Variants in RHBDL2 observed in about 807,000 individuals in gnomAD.
RHBDL2 encodes rhomboid like 2.
RHBDL2 carries 26 observed loss-of-function variants against 31.7 expected under a neutral mutation model. The ratio of observed to expected loss-of-function variants is 0.82; its 90% CI spans 0.60 to 1.14. The LOEUF is 1.14. RHBDL2 is among the 50% of genes most tolerant of loss of function. The pLI, the probability that RHBDL2 is intolerant of heterozygous loss-of-function variation, is 0.00. For missense variants in RHBDL2, 336 were observed against 364.4 expected (o/e 0.92, Z 0.63); for synonymous variants, 123 against 127.2 (o/e 0.97, Z 0.22).
At chr1:38,927,437 A>G in intron 1 of RHBDL2, among the ~76,000 whole-genome samples, 1 of 152,056 alleles carries the variant, frequency 6.6e-6, no homozygotes, top group East Asian at 1.9e-4. Context: ...AAAAAAAAAG[A>G]AAAGAAAAGA....
chr1:38,932,566 T>A (rs1442909189), intron 1 of RHBDL2, among the ~76,000 whole-genome samples: 1 of 152,170 alleles, frequency 6.6e-6, no homozygotes, highest in African/African-American at 2.4e-5. Flanking sequence ...TTCAAGGGAC[T>A]CTTGTGCCTC....
At chr1:38,887,851 C>G (rs986007822) in intron 7 of RHBDL2, 112 bp downstream of exon 7, 1 of 728,418 alleles carries the variant, frequency 1.4e-6, no homozygotes, top group Non-Finnish European at 2.3e-6. Flanking sequence ...ATTTTCTTAA[C>G]TTCCAAATGG....
intron 4 of RHBDL2, among the ~76,000 whole-genome samples, chr1:38,902,628 G>C (rs1643009588): frequency 6.6e-6 from 1 of 151,918 alleles, no homozygotes; most frequent in South Asian, 2.1e-4. Context: ...CACCATGTTG[G>C]TCGGGCTGGT....
In RHBDL2 at chr1:38,894,793, G is replaced by A. The variant is rs549698316; in HGVS notation, c.609+1176C>T. 7.0e-5 allele frequency among the ~76,000 whole-genome samples: 9 copies of A among 128,878 alleles called. No homozygotes were observed. The East Asian group carries it at 1.5e-3, about 22-fold the overall frequency. 84.5% of individuals were successfully genotyped at this position (128,878 alleles called of 152,430 possible). On this transcript the variant is annotated intron_variant, in intron 5 of 7. Coordinates refer to ENST00000372990, the MANE Select transcript of RHBDL2 (RefSeq NM_017821.5). ...ATGATCTCAGCTCACTGCAACCTCC[G>A]CCTTCCAGGTTCAAGCCATTCTTCT...
intron 2 of RHBDL2, 76 bp from the exon 3 acceptor site, chr1:38,915,786 A>G (rs371261445): frequency 9.2e-6 from 13 of 1,415,104 alleles, no homozygotes; most frequent in Middle Eastern, 2.0e-4. Context: ...GTGGGCAGTA[A>G]CTGTTTCAGA....
intron 4 of RHBDL2, among the ~76,000 whole-genome samples, chr1:38,907,326 G>T (rs568818627): frequency 6.6e-6 from 1 of 152,054 alleles, no homozygotes; most frequent in African/African-American, 2.4e-5. Context: ...GATCACCTGA[G>T]GTCAGGAGTT....
intron 3 of RHBDL2, among the ~76,000 whole-genome samples, chr1:38,914,713 T>C (rs4246511): frequency 0.55 from 83,511 of 151,660 alleles, 25,259 homozygotes; most frequent in Non-Finnish European, 0.69. Flanking sequence ...ATACTAATAT[T>C]GGGCAGTTAT....
intron 1 of RHBDL2, among the ~76,000 whole-genome samples, chr1:38,940,668 A>C (rs1441552439): frequency 1.3e-5 from 2 of 152,328 alleles, no homozygotes; most frequent in East Asian, 3.9e-4. Flanking sequence ...AGGGAAAAGC[A>C]CAGGTGTTTA....
At chr1:38,926,284 G>T in intron 1 of RHBDL2, 1 of 891,586 alleles carries the variant, frequency 1.1e-6, no homozygotes, top group Non-Finnish European at 1.4e-6. Flanking sequence ...ATGGCATCCA[G>T]CATCCAACGC....
chr1:38,920,968 G>C (rs186809681), intron 1 of RHBDL2, among the ~76,000 whole-genome samples: 1 of 152,086 alleles, frequency 6.6e-6, no homozygotes, highest in Non-Finnish European at 1.5e-5. Flanking sequence ...ATACCTATGA[G>C]TGGAATTGCT....
intron 2 of RHBDL2, among the ~76,000 whole-genome samples, chr1:38,917,017 C>CTTTT (rs547654933): frequency 8.3e-6 from 1 of 119,898 alleles, no homozygotes; most frequent in Non-Finnish European, 1.7e-5. Context: ...CAGGAACTTT[C>CTTTT]TTTTTTTTTT....
intron 3 of RHBDL2, among the ~76,000 whole-genome samples, chr1:38,915,211 C>A (rs1643215753): frequency 6.6e-6 from 1 of 150,720 alleles, no homozygotes. Flanking sequence ...CGGCTTACTG[C>A]AACCTCCGCC....
At position 38,887,996 on chromosome 1, in the gene RHBDL2, A is replaced by C. The variant is rs777134246; in HGVS notation, c.699T>G (p.Tyr233Ter). ...IIVLDMGFAL[Y>*]RRFFVPEDGS... ...CATCTTCAGGAACAAAGAACCTTCTATAGAGAGCAAATCCCATGTCCAACA... is the reference window on the plus strand; with the variant it reads ...CATCTTCAGGAACAAAGAACCTTCTCTAGAGAGCAAATCCCATGTCCAACA... Residue 233 changes from tyrosine to a stop codon, truncating the protein, a stop_gained, in exon 7 of 8, where the codon TAT (tyrosine) becomes TAG (stop). Transcript: ENST00000372990. LOFTEE classifies it high-confidence loss of function. The C allele has an allele frequency of 1.2e-6, 2 of 1,613,022 alleles. No homozygotes were observed. Among genetic ancestry groups the C allele is most frequent in the East Asian group, 4.5e-5 (2 of 44,854 alleles).
chr1:38,899,505 G>A (rs1338803282), intron 4 of RHBDL2, among the ~76,000 whole-genome samples: 1 of 152,230 alleles, frequency 6.6e-6, no homozygotes, highest in Admixed American at 6.5e-5. Flanking sequence ...TAACAGGCAT[G>A]TGGGGCATGG....
At chr1:38,894,439 C>T (rs2124304452) in intron 5 of RHBDL2, among the ~76,000 whole-genome samples, 1 of 152,212 alleles carries the variant, frequency 6.6e-6, no homozygotes, top group East Asian at 1.9e-4. Context: ...TCTCCTGCCT[C>T]AGCCTCCAGA....
chr1:38,941,006 C>T (rs1218898537), intron 1 of RHBDL2, among the ~76,000 whole-genome samples: 1 of 152,210 alleles, frequency 6.6e-6, no homozygotes, highest in Non-Finnish European at 1.5e-5. Context: ...CTCTGCCATG[C>T]TGCCCACCAG....
At chr1:38,896,348 G>C (rs1387206368) in intron 4 of RHBDL2, among the ~76,000 whole-genome samples, 1 of 152,208 alleles carries the variant, frequency 6.6e-6, no homozygotes, top group African/African-American at 2.4e-5. Flanking sequence ...GAGGAAGTTA[G>C]TTGACTTCTC....
chr1:38,893,157 C>T lies in RHBDL2; in HGVS notation c.670+7G>A, dbSNP rs1238815457. 4 of 1,511,074 alleles carry T rather than the reference C, an allele frequency of 2.6e-6. No homozygotes were observed. In the South Asian group the frequency reaches 4.5e-5, roughly 17 times the overall value. 93.6% of individuals were successfully genotyped at this position (1,511,074 alleles called of 1,614,324 possible). On this transcript the variant is annotated splice_region_variant and intron_variant, in intron 6 of 7. Coordinates refer to ENST00000372990, the MANE Select transcript of RHBDL2 (RefSeq NM_017821.5). ...GACAGTATGAAGTATTCACAAAACA[C>T]ACTTACTTATCAGGATGATGATCAG...
At chr1:38,938,477 G>A (rs1643533024) in intron 1 of RHBDL2, among the ~76,000 whole-genome samples, 2 of 151,970 alleles carry the variant, frequency 1.3e-5, no homozygotes, top group African/African-American at 4.8e-5. Flanking sequence ...GCCCCTAGCA[G>A]TTCCAGCTCC....
Sources: allele counts gnomAD v4.1 joint callset (sites outside exome capture counted in the v4.1 genomes callset), GRCh38; gene constraint gnomAD v4.1.1; transcripts MANE v1.5; gene names NCBI Gene and HGNC (gene_info 2026-07-23, HGNC 2026-07-21).